ADGRV1: variants seen among roughly 807,000 people sequenced by gnomAD.
The protein encoded by ADGRV1 is G-protein coupled receptor 98.
Under a neutral mutation model 596.2 loss-of-function variants are expected in ADGRV1, and 359 were observed. The ratio of observed to expected loss-of-function variants is 0.60; its 90% CI spans 0.55 to 0.66. The LOEUF (loss-of-function observed/expected upper bound fraction) is 0.66. Ranked by LOEUF, ADGRV1 falls within the 30% of genes least tolerant of loss-of-function variation. The probability of loss-of-function intolerance (pLI) is 0.00; values close to 1 mark genes in which losing one functional copy is unlikely to be tolerated. For missense variants in ADGRV1, 7,274 were observed against 7,575.6 expected (o/e 0.96, Z 1.48); for synonymous variants, 2,681 against 2,679.2 (o/e 1.00, Z -0.02).
At chr5:90,827,719 A>T (rs940226131) in intron 76 of ADGRV1, among the ~76,000 whole-genome samples, 18 of 152,216 alleles carry the variant, frequency 1.2e-4, no homozygotes, top group African/African-American at 4.3e-4. Flanking sequence ...TTTCAATATC[A>T]ACTGACAGTT....
At position 91,000,668 on chromosome 5, in the gene ADGRV1, CTGTGTGTG is replaced by C. The variant is rs6149110; in HGVS notation, c.18152+15180_18152+15187del. ...TCCAGAGAAACAGAGCTTACAGGAT[CTGTGTGTG>C]TGTGTGTGTGTGTGTGTGTGTGTGT... On this transcript the variant is annotated intron_variant, in intron 85 of 89. Transcript: ENST00000405460. 6.2e-4 allele frequency among the ~76,000 whole-genome samples: 88 copies of C among 141,192 alleles called. 2 individuals are homozygous for C. The highest frequency in any genetic ancestry group is 2.3e-3 in the South Asian group (10 of 4,284). 92.6% of individuals were successfully genotyped at this position (141,192 alleles called of 152,430 possible).
Position 90,658,202 on chromosome 5 carries a change from C to A in ADGRV1, c.4676C>A (p.Thr1559Asn). ...GGAGCTCGTATTTCGGAAGAAAATA[C>A]TACTGCAAGATTAACAATACAAAAA... ...YGGARISEEN[T>N]TARLTIQKSD... is the part of the protein sequence containing the mutation. The change falls in exon 21 of 90, where the codon ACT becomes AAT. Residue 1559 changes from threonine to asparagine, a missense_variant. Physicochemically the swap from Thr to Asn is moderately conservative, Grantham distance 65. Coordinates refer to ENST00000405460, the MANE Select transcript of ADGRV1 (RefSeq NM_032119.4). The A allele has an allele frequency of 6.3e-7, 1 of 1,577,238 alleles. No individual in the cohort carries two copies. The highest frequency in any genetic ancestry group is 8.6e-7 in the Non-Finnish European group (1 of 1,160,770).
At chr5:90,979,788 G>A (rs536138045) in intron 84 of ADGRV1, among the ~76,000 whole-genome samples, 1 of 152,260 alleles carries the variant, frequency 6.6e-6, no homozygotes, top group East Asian at 1.9e-4. Flanking sequence ...TACCACAGAA[G>A]GAAATTAAAA....
rs527731412 is a variant in ADGRV1, at chr5:90,857,043, T to C, written c.17755+1142T>C. 1.1e-3 allele frequency among the ~76,000 whole-genome samples: 172 copies of C among 152,214 alleles called. 2 individuals carry two copies. The highest frequency in any genetic ancestry group is 4.0e-3 in the African/African-American group (166 of 41,590). ...CAGTCTTTCCAATATAACTTTATTT[T>C]ATATAGTTATAAATTTTCTTTAATG... On this transcript the variant is annotated intron_variant, in intron 82 of 89. Coordinates refer to ENST00000405460, the MANE Select transcript of ADGRV1 (RefSeq NM_032119.4).
At chr5:90,633,274 C>T (rs1438916809) in intron 9 of ADGRV1, among the ~76,000 whole-genome samples, 1 of 152,164 alleles carries the variant, frequency 6.6e-6, no homozygotes, top group Non-Finnish European at 1.5e-5. Context: ...ATTTCATAAC[C>T]ATCTACATTT....
In ADGRV1 at chr5:90,617,883, T is replaced by C; in HGVS notation, c.287T>C (p.Val96Ala). 6.3e-7 allele frequency: 1 copy of C among 1,598,218 alleles called. No individual in the cohort carries two copies. The highest frequency in any genetic ancestry group is 8.5e-7 in the Non-Finnish European group (1 of 1,171,226). Residue 96 changes from valine to alanine, a missense_variant, in exon 3 of 90, where the codon GTG becomes GCG. Val to Ala is a moderately conservative substitution (Grantham distance 64). Around this residue, in one of 5 missense-constraint regions of ADGRV1, gnomAD observed 1,715 missense variants for 1,708.8 expected, o/e 1.00. Coordinates refer to ENST00000405460, the MANE Select transcript of ADGRV1 (RefSeq NM_032119.4). Reference protein sequence around the residue: ...FIPAGETNRTVYIAVCDDDLP... With the variant: ...FIPAGETNRTAYIAVCDDDLP... ...CCTGCCGGAGAAACAAACAGAACAG[T>C]GTACATAGCAGTATGTGATGATGAC...
intron 1 of ADGRV1, among the ~76,000 whole-genome samples, chr5:90,569,065 A>G (rs1281225626): frequency 6.6e-6 from 1 of 152,088 alleles, no homozygotes; most frequent in Non-Finnish European, 1.5e-5. Flanking sequence ...TTATTCCAGG[A>G]TGGAAAGTTA....
chr5:91,075,776 G>A (rs985449699), intron 86 of ADGRV1, among the ~76,000 whole-genome samples: 4 of 151,878 alleles, frequency 2.6e-5, no homozygotes, highest in Admixed American at 2.6e-4. Context: ...TCATTCTCCA[G>A]CATTTCAGTC....
rs139901449 is a variant in ADGRV1, at chr5:90,662,269, C to A, written c.4752+3991C>A. On this transcript the variant is annotated intron_variant, in intron 21 of 89. Coordinates refer to ENST00000405460, the MANE Select transcript of ADGRV1 (RefSeq NM_032119.4). Reference sequence around the variant, plus strand: ...AGTGCAGTGATGCGATCATGGCTCACTGCAAGCTCCACCTCCCGGGTTCAC... The same window carrying A: ...AGTGCAGTGATGCGATCATGGCTCAATGCAAGCTCCACCTCCCGGGTTCAC... 1.4e-3 allele frequency among the ~76,000 whole-genome samples: 212 copies of A among 148,834 alleles called. 1 individual carries two copies. Among genetic ancestry groups the A allele is most frequent in the African/African-American group, 4.7e-3 (188 of 40,190 alleles).
rs769148421 is a variant in ADGRV1 at position 90,653,575 on chromosome 5, A to G, written c.4001A>G (p.Glu1334Gly). The change falls in exon 20 of 90, where the codon GAG becomes GGG. Residue 1334 changes from glutamate to glycine, a missense_variant. Physicochemically the swap from Glu to Gly is moderately conservative, Grantham distance 98 (BLOSUM62 -2). Transcript: ENST00000405460. The part of the protein sequence containing the change: ...GTDALYFTGL[E>G]GAFGTVNPKY... ...GATGCTTTGTACTTTACCGGACTAG[A>G]GGGTGCATTTGGGACTGTTAATCCA... The G allele has an allele frequency of 1.9e-6, 3 of 1,613,910 alleles. No homozygotes were observed. In the Admixed American group the frequency reaches 5.0e-5, roughly 27 times the overall value.
At chr5:90,691,211 A>G in intron 31 of ADGRV1, 170 bp downstream of exon 31, 1 of 845,448 alleles carries the variant, frequency 1.2e-6, no homozygotes, top group Admixed American at 2.0e-5. Flanking sequence ...CAAAAGCAGG[A>G]ATATTCTAGA....
rs150088204 is a variant in ADGRV1, at chr5:91,083,157, C to T, written c.18310+10553C>T. ...GTCGCAAGGACAGAAAACCAAACACCGCATGTTCTCACTCATAGATGGGAA... is the reference window on the plus strand; with the variant it reads ...GTCGCAAGGACAGAAAACCAAACACTGCATGTTCTCACTCATAGATGGGAA... On this transcript the variant is annotated intron_variant, in intron 86 of 89. Transcript: ENST00000405460. 8.3e-3 allele frequency among the ~76,000 whole-genome samples: 1,262 copies of T among 151,412 alleles called. 19 individuals carry two copies. Among genetic ancestry groups the T allele is most frequent in the African/African-American group, 0.029 (1,186 of 41,198 alleles).
At chr5:91,048,879 A>G (rs1255971733) in intron 85 of ADGRV1, among the ~76,000 whole-genome samples, 1 of 152,150 alleles carries the variant, frequency 6.6e-6, no homozygotes, top group African/African-American at 2.4e-5. Context: ...CTTTTTTTGC[A>G]TCTTCAGTAG....
chr5:90,635,058 T>A lies in ADGRV1; in HGVS notation c.1840-56T>A, dbSNP rs1010199963. On this transcript the variant is annotated intron_variant, in intron 9 of 89. Coordinates refer to ENST00000405460, the MANE Select transcript of ADGRV1 (RefSeq NM_032119.4). The stretch of plus-strand genomic sequence containing the variant: ...GTCACCCCATGCTGTTAAGCTTTTT[T>A]AAAAAATTTATATTCTATCAATTCT... 7.2e-5 allele frequency: 88 copies of A among 1,219,270 alleles called. 1 individual carries two copies. Among genetic ancestry groups the A allele is most frequent in the Non-Finnish European group, 9.5e-5 (82 of 859,000 alleles). 75.5% of individuals were successfully genotyped at this position (1,219,270 alleles called of 1,614,324 possible). A position where few individuals can be genotyped will look rare whatever the true frequency, so the allele number is the denominator to read the frequency against.
At chr5:90,775,820 C>T (rs950616907) in intron 60 of ADGRV1, among the ~76,000 whole-genome samples, 1 of 152,054 alleles carries the variant, frequency 6.6e-6, no homozygotes, top group Non-Finnish European at 1.5e-5. Flanking sequence ...CTGTGACAAG[C>T]CACTCTTGAT....
intron 1 of ADGRV1, among the ~76,000 whole-genome samples, chr5:90,598,020 T>C (rs903581080): frequency 1.3e-5 from 2 of 152,238 alleles, no homozygotes; most frequent in Non-Finnish European, 2.9e-5. Context: ...ACATTCTTAT[T>C]TTAAATGTAT....
intron 59 of ADGRV1, among the ~76,000 whole-genome samples, chr5:90,764,956 C>T (rs951663980): frequency 1.3e-5 from 2 of 152,080 alleles, no homozygotes; most frequent in African/African-American, 4.8e-5. Flanking sequence ...CACAGAGGGG[C>T]TCCTTAGAAG....
intron 83 of ADGRV1, among the ~76,000 whole-genome samples, chr5:90,930,905 G>T (rs1457846337): frequency 6.6e-6 from 1 of 152,056 alleles, no homozygotes; most frequent in Non-Finnish European, 1.5e-5. Flanking sequence ...GATTACTACT[G>T]CCTAACTTTG....
At chr5:90,688,715 A>G (rs941450993) in intron 29 of ADGRV1, among the ~76,000 whole-genome samples, 2 of 152,200 alleles carry the variant, frequency 1.3e-5, no homozygotes, top group African/African-American at 2.4e-5. Context: ...TATGATGACC[A>G]AAATATGCAC....
Sources: gnomAD v4.1 joint callset for allele counts (sites outside exome capture counted in the v4.1 genomes callset) on GRCh38, gnomAD v4.1.1 for gene constraint, gnomAD v4.1.1 regional missense constraint, MANE v1.5 for transcripts, NCBI Gene and HGNC (gene_info 2026-07-23, HGNC 2026-07-21) for gene names.